The following RBSN variants were observed in gnomAD, a reference collection of about 807,000 sequenced individuals.
RBSN encodes the protein rabenosyn-5.
In RBSN, 34 loss-of-function variants were observed where a neutral mutation model predicts 60.5. That is an observed-to-expected ratio of 0.56 (90% confidence interval 0.43 to 0.75). RBSN has a LOEUF of 0.75. RBSN is among the 30% of genes least tolerant of loss of function. The pLI, the probability that RBSN is intolerant of heterozygous loss-of-function variation, is 0.00. For missense variants in RBSN, 845 were observed against 986.8 expected, an observed-to-expected ratio of 0.86 and a Z score of 1.92; for synonymous variants, 322 against 366.9, an observed-to-expected ratio of 0.88 and a Z score of 1.40.
chr3:15,085,040 A>G lies in RBSN; in HGVS notation c.396T>C (p.Thr132=). 1.2e-6 allele frequency: 2 copies of G among 1,614,272 alleles called. No individual in the cohort carries two copies. The stretch of plus-strand genomic sequence containing the variant: ...ACTCAGTATTTGTTCTGTCAAATGC[A>G]GTGAGCTGACCGGAAGAAAATAGTG... ...NKLIIRLEKL[T]AFDRTNTESA... Residue 132 remains threonine, a synonymous_variant, in exon 7 of 14, where the codon ACT becomes ACC. Transcript: ENST00000253699.
At chr3:15,092,413 GTTT>G (rs577707119) in intron 4 of RBSN, among the ~76,000 whole-genome samples, 2 of 149,434 alleles carry the variant, frequency 1.3e-5, no homozygotes, top group African/African-American at 5.0e-5. Context: ...TTGTTTGTTT[GTTT>G]TTTTTTGAGA....
At position 15,082,789 on chromosome 3, in the gene RBSN, C is replaced by G. The variant is rs75769419; in HGVS notation, c.599-181G>C. Among the ~76,000 whole-genome samples the G allele has an allele frequency of 0.053, 8,043 of 152,246 alleles. 252 individuals are homozygous for G. Among genetic ancestry groups the G allele is most frequent in the East Asian group, 0.13 (653 of 5,176 alleles). On this transcript the variant is annotated intron_variant, in intron 8 of 13. Coordinates refer to ENST00000253699, the MANE Select transcript of RBSN (RefSeq NM_022340.4). The surrounding 1 kb of genome is among the most constrained non-coding windows in gnomAD (Gnocchi z 4.2). ...CAGACTCTGGTGAGAAAGGACTCCA[C>G]TGCTGCCCCTCCAAATCCAAACAGC...
At chr3:15,096,955 G>A (rs562193520) in intron 2 of RBSN, among the ~76,000 whole-genome samples, 2 of 152,280 alleles carry the variant, frequency 1.3e-5, no homozygotes, top group South Asian at 2.1e-4. Flanking sequence ...GACCTTCTCG[G>A]TTCAAGTGAT....
At chr3:15,078,219 G>T in intron 10 of RBSN, 58 bp from the exon 11 acceptor site, 1 of 1,479,574 alleles carries the variant, frequency 6.8e-7, no homozygotes, top group Non-Finnish European at 9.4e-7. Context: ...GGACAGCATA[G>T]TGTAGAAGGA....
At chr3:15,096,428 A>C in intron 3 of RBSN, 107 bp downstream of exon 3, 1 of 247,234 alleles carries the variant, frequency 4.0e-6, no homozygotes, top group Non-Finnish European at 7.7e-6. Context: ...CTCTTTCTCA[A>C]ATCCTTAGAC....
chr3:15,077,275 G>T lies in RBSN; in HGVS notation c.999-111C>A. 1 of 893,492 alleles carries T rather than the reference G, an allele frequency of 1.1e-6. No homozygotes were observed. Among genetic ancestry groups the T allele is most frequent in the East Asian group, 2.5e-5 (1 of 39,248 alleles). The allele number at this position is 893,492 out of a possible 1,614,324, so 55.3% of individuals were successfully genotyped here. On this transcript the variant is annotated intron_variant, in intron 11 of 13. Coordinates refer to ENST00000253699, the MANE Select transcript of RBSN (RefSeq NM_022340.4). The surrounding 1 kb of genome is among the most constrained non-coding windows in gnomAD (Gnocchi z 4.4). ...CTTTCATGCCAGGAAGGTGTGTAAA[G>T]ATGGACAAGTGACTCCATTGAAGTT... is the stretch of plus-strand genomic sequence containing the variant.
Position 15,075,683 on chromosome 3 carries a change from G to A in RBSN, c.1129C>T (p.Pro377Ser). The A allele has an allele frequency of 1.2e-6, 2 of 1,614,036 alleles. No individual in the cohort carries two copies. Among genetic ancestry groups the A allele is most frequent in the East Asian group, 2.2e-5 (1 of 44,866 alleles). ...QEKLLGLMSL[P>S]TKEQFEELKK... is the part of the protein sequence containing the mutation. ...AGTTCCTCAAACTGTTCTTTGGTTGGCAGTGACATCAAACCAAGCAACTTT... is the reference window on the plus strand; with the variant it reads ...AGTTCCTCAAACTGTTCTTTGGTTGACAGTGACATCAAACCAAGCAACTTT... Residue 377 changes from proline (P) to serine (S), a missense_variant, in exon 13 of 14, where the codon CCA (proline) becomes TCA (serine). By Grantham distance (74) the Pro-to-Ser change is moderately conservative. Transcript: ENST00000253699.
chr3:15,082,423 TCTTGAGCAGCGTGTC>T lies in RBSN; in HGVS notation c.769_783del (p.Asp257_Lys261del). 1 of 1,614,060 alleles carries T rather than the reference TCTTGAGCAGCGTGTC, an allele frequency of 6.2e-7. No homozygotes were observed. The highest frequency in any genetic ancestry group is 8.5e-7 in the Non-Finnish European group (1 of 1,179,942). The stretch of plus-strand genomic sequence containing the variant: ...TCCTTCTCATCAATCTGCTGCTCTC[TCTTGAGCAGCGTGTC>T]CTTGCAGTGTGTACAGCAGCGGATC... On this transcript the variant is annotated inframe_deletion, in exon 9 of 14. Coordinates refer to ENST00000253699, the MANE Select transcript of RBSN (RefSeq NM_022340.4). This position sits in a 1 kb window ranked among gnomAD's most constrained non-coding sequence, Gnocchi z 4.2.
At position 15,078,082 on chromosome 3, in the gene RBSN, C is replaced by T. The variant is rs776003576; in HGVS notation, c.991G>A (p.Ala331Thr). ...CCACTTAATGGACCTTACCTTAAAG[C>T]GTCTATCAGCTCATACACTTTCTGC... Reference protein sequence around the residue: ...EVQKVYELIDALSKKILTLGL... With the variant: ...EVQKVYELIDTLSKKILTLGL... The change falls in exon 11 of 14, where the codon GCT becomes ACT. Residue 331 changes from alanine to threonine, a missense_variant. Coordinates refer to ENST00000253699, the MANE Select transcript of RBSN (RefSeq NM_022340.4). The T allele has an allele frequency of 1.2e-5, 19 of 1,613,736 alleles. No homozygotes were observed. Among genetic ancestry groups the T allele is most frequent in the South Asian group, 4.4e-5 (4 of 91,080 alleles).
intron 9 of RBSN, chr3:15,081,017 G>A (rs1338350407): frequency 1.9e-5 from 10 of 516,084 alleles, no homozygotes; most frequent in Non-Finnish European, 2.8e-5. Flanking sequence ...CAGATGTTTC[G>A]TTTTGTTTTT....
intron 5 of RBSN, among the ~76,000 whole-genome samples, chr3:15,089,585 A>T (rs913536708): frequency 1.3e-5 from 2 of 150,886 alleles, no homozygotes; most frequent in Non-Finnish European, 3.0e-5. Context: ...ATTTAAAGCA[A>T]ATTCAGTGGT....
In RBSN at chr3:15,077,012, G is replaced by A. The variant is rs757928090; in HGVS notation, c.1101+50C>T. On this transcript the variant is annotated intron_variant, in intron 12 of 13. Coordinates refer to ENST00000253699, the MANE Select transcript of RBSN (RefSeq NM_022340.4). This position sits in a 1 kb window ranked among gnomAD's most constrained non-coding sequence, Gnocchi z 4.4. ...TGGATCTGCCTCCTGGGAAGCAAAA[G>A]AGCAGGACAGGCCAAGTGCAACATT... is the stretch of plus-strand genomic sequence containing the variant. 3 of 1,517,856 alleles carry A rather than the reference G, an allele frequency of 2.0e-6. No individual in the cohort carries two copies. In the Admixed American group the frequency reaches 5.0e-5, roughly 25 times the overall value. The allele number at this position is 1,517,856 out of a possible 1,614,324, so 94.0% of individuals were successfully genotyped here.
chr3:15,078,789 T>A (rs1347872082), intron 10 of RBSN, among the ~76,000 whole-genome samples: 2 of 52,742 alleles, frequency 3.8e-5, no homozygotes, highest in African/African-American at 7.1e-5. Context: ...CATATATATA[T>A]ATATATATAT....
In RBSN at chr3:15,074,198, C is replaced by CAGCA; in HGVS notation, c.1935_1938dup (p.Ala647CysfsTer43). 1 of 1,610,384 alleles carries CAGCA rather than the reference C, an allele frequency of 6.2e-7. No individual in the cohort carries two copies. The highest frequency in any genetic ancestry group is 8.5e-7 in the Non-Finnish European group (1 of 1,177,864). ...GCTGAAGGGTCTAAGGAAACCCCTG[C>CAGCA]AGCAGGAGGACCAGTAGTGGCCTCT... On this transcript the variant is annotated frameshift_variant, in exon 14 of 14. Coordinates refer to ENST00000253699, the MANE Select transcript of RBSN (RefSeq NM_022340.4). LOFTEE classifies it low-confidence loss of function (END_TRUNC). The surrounding 1 kb of genome is among the most constrained non-coding windows in gnomAD (Gnocchi z 6.4).
At position 15,077,230 on chromosome 3, in the gene RBSN, T is replaced by C. The variant is rs2043077417; in HGVS notation, c.999-66A>G. 16 of 1,379,350 alleles carry C rather than the reference T, an allele frequency of 1.2e-5. No homozygotes were observed. In the Admixed American group the frequency reaches 2.5e-4, roughly 22 times the overall value. The allele number at this position is 1,379,350 out of a possible 1,614,324, so 85.4% of individuals were successfully genotyped here. The stretch of plus-strand genomic sequence containing the variant: ...GCTTCAGAAACAAGGGTGAAAAGTA[T>C]AACATCTGGAGTTGCCAGGCTTTCA... On this transcript the variant is annotated intron_variant, in intron 11 of 13. Coordinates refer to ENST00000253699, the MANE Select transcript of RBSN (RefSeq NM_022340.4). This position sits in a 1 kb window ranked among gnomAD's most constrained non-coding sequence, Gnocchi z 4.4.
intron 2 of RBSN, 113 bp from the exon 3 acceptor site, chr3:15,096,823 A>C (rs758581433): frequency 3.3e-5 from 5 of 152,230 alleles, no homozygotes; most frequent in Non-Finnish European, 7.3e-5. Flanking sequence ...ACTAGTCAAA[A>C]AGAAAAAATC....
In RBSN at chr3:15,077,976, C is replaced by T. The variant is rs557512981; in HGVS notation, c.998+99G>A. On this transcript the variant is annotated intron_variant, in intron 11 of 13. Transcript: ENST00000253699. This position sits in a 1 kb window ranked among gnomAD's most constrained non-coding sequence, Gnocchi z 4.4. ...CTCCTCCTCACCCACTGCCCCATCA[C>T]CAGAAGTCTGAGTGAGTGCAGGTCT... The T allele has an allele frequency of 9.5e-6, 10 of 1,049,828 alleles. No individual in the cohort carries two copies. The highest frequency in any genetic ancestry group is 4.1e-5 in the South Asian group (3 of 73,024). 65.0% of individuals were successfully genotyped at this position (1,049,828 alleles called of 1,614,324 possible). A position where few individuals can be genotyped will look rare whatever the true frequency, so the allele number is the denominator to read the frequency against.
In RBSN at chr3:15,084,816, G is replaced by C. The variant is rs201602052; in HGVS notation, c.517C>G (p.Arg173Gly). The C allele has an allele frequency of 6.2e-7, 1 of 1,614,172 alleles. No homozygotes were observed. The highest frequency in any genetic ancestry group is 2.2e-5 in the East Asian group (1 of 44,884). The change falls in exon 8 of 14, where the codon CGG becomes GGG. Residue 173 changes from arginine to glycine, a missense_variant. Transcript: ENST00000253699. This position sits in a 1 kb window ranked among gnomAD's most constrained non-coding sequence, Gnocchi z 4.2. ...AGGCGGCAGTGGTGGCGGCGGTTCC[G>C]GATGCTGAACTTATTCCCACAGTCT... ...CPDCGNKFSIRNRRHHCRLCG... is the reference protein window; with the variant it reads ...CPDCGNKFSIGNRRHHCRLCG...
At chr3:15,090,645 T>C (rs2043488841) in intron 4 of RBSN, 106 bp from the exon 5 acceptor site, 1 of 1,459,900 alleles carries the variant, frequency 6.8e-7, no homozygotes, top group South Asian at 1.4e-5. Context: ...ATCGTTTGTT[T>C]AAAAATGCAC....
Sources: allele counts gnomAD v4.1 joint callset (sites outside exome capture counted in the v4.1 genomes callset), GRCh38; gene constraint gnomAD v4.1.1; non-coding constraint Gnocchi (gnomAD v3.1); transcripts MANE v1.5; gene names NCBI Gene and HGNC (gene_info 2026-07-23, HGNC 2026-07-21).